GRID2: variants seen among roughly 807,000 people sequenced by gnomAD.
The protein encoded by GRID2 is glutamate ionotropic receptor delta type subunit 2.
A neutral mutation model predicts 114.8 loss-of-function variants in GRID2; 33 were observed. The observed-to-expected ratio is 0.29, with a 90% confidence interval of 0.22 to 0.38. The LOEUF is 0.38. GRID2 is among the 10% of genes least tolerant of loss of function. The pLI, the probability that GRID2 is intolerant of heterozygous loss-of-function variation, is 1.00. For missense variants in GRID2, 1,184 were observed against 1,257.7 expected, an observed-to-expected ratio of 0.94 and a Z score of 0.89; for synonymous variants, 505 against 449.9, an observed-to-expected ratio of 1.12 and a Z score of -1.55.
chr4:93,378,247 A>G (rs1330786881), intron 8 of GRID2, among the ~76,000 whole-genome samples: 1 of 152,140 alleles, frequency 6.6e-6, no homozygotes, highest in African/African-American at 2.4e-5. Context: ...TAATTCTTAA[A>G]CTTAAATTTA....
chr4:93,230,147 CGTGTGT>C (rs34250856), intron 7 of GRID2, among the ~76,000 whole-genome samples: 7 of 148,726 alleles, frequency 4.7e-5, no homozygotes, highest in African/African-American at 1.5e-4. Flanking sequence ...TGTGTGTATG[CGTGTGT>C]GTGTGTGTGT....
At chr4:92,607,473 G>T (rs142401577) in intron 2 of GRID2, among the ~76,000 whole-genome samples, 1 of 151,762 alleles carries the variant, frequency 6.6e-6, no homozygotes, top group Non-Finnish European at 1.5e-5. Flanking sequence ...GTTACTGGGG[G>T]TGGGGAAGAA....
intron 8 of GRID2, among the ~76,000 whole-genome samples, chr4:93,352,856 C>T (rs951887802): frequency 6.6e-6 from 1 of 151,994 alleles, no homozygotes; most frequent in Non-Finnish European, 1.5e-5. Context: ...CAAAGCTTGA[C>T]TACCTACCCT....
chr4:92,874,009 C>T (rs1190979026), intron 2 of GRID2, among the ~76,000 whole-genome samples: 3 of 152,110 alleles, frequency 2.0e-5, no homozygotes, highest in Non-Finnish European at 4.4e-5. Flanking sequence ...CCACTGCGCC[C>T]GGCCTCCTCT....
At chr4:92,973,243 C>A (rs1412503495) in intron 2 of GRID2, among the ~76,000 whole-genome samples, 1 of 152,072 alleles carries the variant, frequency 6.6e-6, no homozygotes, top group Non-Finnish European at 1.5e-5. Context: ...TATTCAATTT[C>A]TTGGAAAGAG....
At chr4:92,700,058 T>G (rs1311889794) in intron 2 of GRID2, among the ~76,000 whole-genome samples, 1 of 152,100 alleles carries the variant, frequency 6.6e-6, no homozygotes, top group Non-Finnish European at 1.5e-5. Context: ...GGACCTGAGG[T>G]TTTTGGTGAC....
chr4:93,769,567 A>G, intron 15 of GRID2, 117 bp downstream of exon 15: 3 of 868,584 alleles, frequency 3.5e-6, no homozygotes, highest in Admixed American at 5.0e-5. Flanking sequence ...TCGTTTCTTG[A>G]AGATTAAAAA....
intron 2 of GRID2, among the ~76,000 whole-genome samples, chr4:92,719,987 C>T (rs1735735155): frequency 6.6e-6 from 1 of 151,882 alleles, no homozygotes; most frequent in Non-Finnish European, 1.5e-5. Flanking sequence ...ATTTTCTTAG[C>T]TATAAAAAAT....
At chr4:92,630,883 T>A (rs1292709045) in intron 2 of GRID2, among the ~76,000 whole-genome samples, 2 of 152,090 alleles carry the variant, frequency 1.3e-5, no homozygotes, top group East Asian at 1.9e-4. Flanking sequence ...TGTGTGGGAT[T>A]AATTAATGTA....
intron 14 of GRID2, among the ~76,000 whole-genome samples, chr4:93,627,167 A>G (rs1223388667): frequency 6.6e-6 from 1 of 152,186 alleles, no homozygotes; most frequent in African/African-American, 2.4e-5. Context: ...AGACAGATTA[A>G]TATCTTCCAC....
At chr4:92,621,249 TTTAGAAAA>T in intron 2 of GRID2, among the ~76,000 whole-genome samples, 1 of 151,766 alleles carries the variant, frequency 6.6e-6, no homozygotes. Context: ...TCAGGACACA[TTTAGAAAA>T]GGAAAGATGA....
At chr4:93,560,559 G>A (rs942462740) in intron 13 of GRID2, among the ~76,000 whole-genome samples, 18 of 152,210 alleles carry the variant, frequency 1.2e-4, no homozygotes, top group South Asian at 2.1e-4. Flanking sequence ...AAACACCTCC[G>A]ACCAGGCCCC....
chr4:92,496,587 CT>C (rs1723399380), intron 1 of GRID2, among the ~76,000 whole-genome samples: 1 of 151,406 alleles, frequency 6.6e-6, no homozygotes, highest in Non-Finnish European at 1.5e-5. Context: ...TTTATAGAGC[CT>C]TTTTTCAGTC....
At chr4:92,982,782 G>T (rs1276471134) in intron 2 of GRID2, among the ~76,000 whole-genome samples, 1 of 152,030 alleles carries the variant, frequency 6.6e-6, no homozygotes, top group Non-Finnish European at 1.5e-5. Flanking sequence ...AATAATAATA[G>T]ATGTTAAGCA....
At chr4:93,593,928 G>T (rs553419524) in intron 13 of GRID2, among the ~76,000 whole-genome samples, 589 of 151,766 alleles carry the variant, frequency 3.9e-3, no homozygotes, top group Non-Finnish European at 6.4e-3. Flanking sequence ...GCACTTCTCT[G>T]TATTGGTTAT....
rs1725254287 is a variant in GRID2, at chr4:92,304,173, A to C, written c.-484A>C. 2 of 173,158 alleles carry C rather than the reference A, an allele frequency of 1.2e-5. No homozygotes were observed. The highest frequency in any genetic ancestry group is 2.4e-5 in the Non-Finnish European group (2 of 82,326). The allele number at this position is 173,158 out of a possible 1,614,324, so 10.7% of individuals were successfully genotyped here. A position where few individuals can be genotyped will look rare whatever the true frequency, so the allele number is the denominator to read the frequency against. On this transcript the variant is annotated 5_prime_UTR_variant, in exon 1 of 16. Transcript: ENST00000282020. ...CTTTCCACTTAGATTCTGGCAGCGA[A>C]GACCAGTGATTCTCTGCGGGCTGTA...
At position 92,337,652 on chromosome 4, in the gene GRID2, G is replaced by A. The variant is rs182482820; in HGVS notation, c.88+32908G>A. Among the ~76,000 whole-genome samples, 403 of 152,228 alleles carry A rather than the reference G, an allele frequency of 2.6e-3. 2 individuals are homozygous for A. The highest frequency in any genetic ancestry group is 4.1e-3 in the Non-Finnish European group (280 of 68,016). On this transcript the variant is annotated intron_variant, in intron 1 of 15. Transcript: ENST00000282020. The stretch of plus-strand genomic sequence containing the variant: ...AACACTTATGAAACCATCAGATCTT[G>A]TAAGAACTCACTCACTATCAGAAGA...
At chr4:92,377,937 C>A (rs979630077) in intron 1 of GRID2, among the ~76,000 whole-genome samples, 2 of 152,096 alleles carry the variant, frequency 1.3e-5, no homozygotes, top group African/African-American at 4.8e-5. Flanking sequence ...AACTATATCA[C>A]TACCCAATAT....
At position 93,626,403 on chromosome 4, in the gene GRID2, T is replaced by G. The variant is rs769573831; in HGVS notation, c.2328T>G (p.His776Gln). 1.1e-5 allele frequency: 17 copies of G among 1,610,260 alleles called. No homozygotes were observed. Among genetic ancestry groups the G allele is most frequent in the Non-Finnish European group, 1.4e-5 (17 of 1,178,018 alleles). Residue 776 changes from histidine to glutamine, a missense_variant, in exon 14 of 16, where the codon CAT becomes CAG. By Grantham distance (24) the His-to-Gln change is conservative (BLOSUM62 0). This residue lies in a region of GRID2 where 717 missense variants were observed against 796.9 expected (regional missense o/e 0.90). Transcript: ENST00000282020. ...ADRGYGIALQ[H>Q]GSPYRDVFSQ... ...GGGGATATGGAATTGCATTACAACA[T>G]GGCAGTCCTTACCGAGATGTTTTTT...
Sources: gnomAD v4.1 joint callset for allele counts (sites outside exome capture counted in the v4.1 genomes callset) on GRCh38, gnomAD v4.1.1 for gene constraint, gnomAD v4.1.1 regional missense constraint, MANE v1.5 for transcripts, NCBI Gene and HGNC (gene_info 2026-07-23, HGNC 2026-07-21) for gene names.